Variants in SV2C observed in about 807,000 individuals in gnomAD.
SV2C encodes solute carrier family 22 member B3.
SV2C carries 49 observed loss-of-function variants against 79.7 expected under a neutral mutation model. The ratio of observed to expected loss-of-function variants is 0.61; its 90% confidence interval spans 0.49 to 0.78. SV2C has a LOEUF of 0.78. SV2C is among the 30% of genes least tolerant of loss of function. SV2C has a pLI of 0.00. For missense variants in SV2C, 833 were observed against 912.9 expected (o/e 0.91, Z 1.13); for synonymous variants, 334 against 333.2 (o/e 1.00, Z -0.03).
intron 12 of SV2C, among the ~76,000 whole-genome samples, chr5:76,304,622 A>G (rs1428359058): frequency 3.9e-5 from 6 of 152,218 alleles, no homozygotes; most frequent in African/African-American, 1.2e-4. Flanking sequence ...CAAGTTCAAG[A>G]TCAAGGCAGG....
rs1424525245 is a variant in SV2C, at chr5:76,328,963, A to C, written c.*3416A>C. 1 of 151,886 alleles carries C rather than the reference A, an allele frequency of 6.6e-6. No homozygotes were observed. The highest frequency in any genetic ancestry group is 2.4e-5 in the African/African-American group (1 of 41,320). The allele number at this position is 151,886 out of a possible 1,614,324, so 9.4% of individuals were successfully genotyped here. On this transcript the variant is annotated 3_prime_UTR_variant, in exon 13 of 13. Coordinates refer to ENST00000502798, the MANE Select transcript of SV2C (RefSeq NM_014979.4). Reference sequence around the variant, plus strand: ...TATCTTTTAGTAGAGGTGGGGTTTCACCGTGTTGGTCAGGCTGGTCTCGAA... The same window carrying C: ...TATCTTTTAGTAGAGGTGGGGTTTCCCCGTGTTGGTCAGGCTGGTCTCGAA...
intron 3 of SV2C, among the ~76,000 whole-genome samples, chr5:76,207,268 C>T (rs1175514849): frequency 1.3e-5 from 2 of 151,984 alleles, no homozygotes; most frequent in African/African-American, 4.8e-5. Context: ...CTTCATGAAG[C>T]TTAAGTTATA....
intron 1 of SV2C, among the ~76,000 whole-genome samples, chr5:76,105,962 T>C (rs927308428): frequency 6.6e-6 from 1 of 152,130 alleles, no homozygotes; most frequent in Non-Finnish European, 1.5e-5. Flanking sequence ...GGCTTCAAAC[T>C]CCATCTATAT....
chr5:75,910,865 C>G, the SV2C span: 4 of 1,120,566 alleles, frequency 3.6e-6, no homozygotes, highest in Non-Finnish European at 5.4e-6. Flanking sequence ...GAACTGCAAT[C>G]TCTATGAGAT....
chr5:76,281,402 A>C, intron 4 of SV2C: 6 of 268,060 alleles, frequency 2.2e-5, no homozygotes, highest in Non-Finnish European at 4.3e-5. Flanking sequence ...CAAAGTAAAA[A>C]AAAAAAAAAA....
chr5:76,299,791 G>A (rs138900039), intron 10 of SV2C, among the ~76,000 whole-genome samples: 227 of 152,214 alleles, frequency 1.5e-3, no homozygotes, highest in African/African-American at 5.2e-3. Flanking sequence ...CTCAGAAGAC[G>A]AACATTTTGT....
chr5:76,189,933 C>A (rs912246222), intron 2 of SV2C, among the ~76,000 whole-genome samples: 1 of 152,136 alleles, frequency 6.6e-6, no homozygotes, highest in Admixed American at 6.6e-5. Flanking sequence ...ACTCAGATTT[C>A]ATTATTTATG....
chr5:76,301,406 G>A lies in SV2C; in HGVS notation c.1861G>A (p.Gly621Arg). 6.2e-7 allele frequency: 1 copy of A among 1,613,976 alleles called. No homozygotes were observed. Among genetic ancestry groups the A allele is most frequent in the Non-Finnish European group, 8.5e-7 (1 of 1,179,958 alleles). Residue 621 changes from glycine to arginine, a missense_variant, in exon 12 of 13, where the codon GGG (glycine) becomes AGG (arginine). Physicochemically the swap from Gly to Arg is moderately radical, Grantham distance 125. Coordinates refer to ENST00000502798, the MANE Select transcript of SV2C (RefSeq NM_014979.4). ...GGCAGGTGGCTCTATGGTGCTTTCG[G>A]GGATCAGCTGTTTCTTCCTTTGGTT... Reference protein sequence around the residue: ...TMLGGSMVLSGISCFFLWFGT... With the variant: ...TMLGGSMVLSRISCFFLWFGT...
chr5:76,095,052 G>A (rs1194171450), intron 1 of SV2C, among the ~76,000 whole-genome samples: 2 of 151,066 alleles, frequency 1.3e-5, no homozygotes, highest in African/African-American at 4.9e-5. Context: ...TTCTTTCAAT[G>A]TTTTTTTTCT....
the SV2C span, among the ~76,000 whole-genome samples, chr5:75,969,194 A>G: frequency 6.6e-6 from 1 of 152,344 alleles, no homozygotes; most frequent in African/African-American, 2.4e-5. Flanking sequence ...AAGGAAAGGA[A>G]CAACTGGTAC....
At chr5:76,294,105 G>T in intron 8 of SV2C, among the ~76,000 whole-genome samples, 1 of 152,138 alleles carries the variant, frequency 6.6e-6, no homozygotes, top group East Asian at 1.9e-4. Flanking sequence ...GGTTTGTGGG[G>T]GATGATGATC....
At chr5:76,281,045 G>A (rs952608415) in intron 4 of SV2C, 4 of 541,084 alleles carry the variant, frequency 7.4e-6, no homozygotes, top group Non-Finnish European at 1.1e-5. Flanking sequence ...TAAATCAGTC[G>A]GCCCCTGGCC....
At chr5:76,163,665 GTCTTTT>G (rs1742961592) in intron 2 of SV2C, among the ~76,000 whole-genome samples, 1 of 152,124 alleles carries the variant, frequency 6.6e-6, no homozygotes, top group South Asian at 2.1e-4. Context: ...CCTCTTTGAG[GTCTTTT>G]TCTTTTTCTC....
At chr5:75,981,331 T>C in the SV2C span, among the ~76,000 whole-genome samples, 1 of 152,188 alleles carries the variant, frequency 6.6e-6, no homozygotes, top group Admixed American at 6.5e-5. Context: ...CCCATTAAAC[T>C]ACCATTGCCA....
intron 2 of SV2C, among the ~76,000 whole-genome samples, chr5:76,187,151 A>G (rs1008492494): frequency 6.6e-6 from 1 of 152,204 alleles, no homozygotes; most frequent in Non-Finnish European, 1.5e-5. Context: ...ATTGCTTCAA[A>G]TAACAAGGGG....
At chr5:76,009,466 T>C in the SV2C span, among the ~76,000 whole-genome samples, 2 of 152,180 alleles carry the variant, frequency 1.3e-5, no homozygotes, top group African/African-American at 4.8e-5. Flanking sequence ...CACTTGCATG[T>C]TCATCGCAGC....
the SV2C span, among the ~76,000 whole-genome samples, chr5:75,861,895 A>G: frequency 4.6e-5 from 7 of 152,290 alleles, no homozygotes; most frequent in African/African-American, 7.2e-5. Flanking sequence ...GATGAGTTCA[A>G]TCACACCCCA....
At chr5:75,901,137 T>A in the SV2C span, among the ~76,000 whole-genome samples, 1 of 152,226 alleles carries the variant, frequency 6.6e-6, no homozygotes, top group East Asian at 1.9e-4. Context: ...AGGACCTGCA[T>A]TCCTTTGGAA....
chr5:76,203,991 G>A (rs1744531998), intron 3 of SV2C, among the ~76,000 whole-genome samples: 1 of 152,134 alleles, frequency 6.6e-6, no homozygotes, highest in Admixed American at 6.5e-5. Context: ...TGTGCCTTCT[G>A]ATCTATATAG....
Sources: allele counts gnomAD v4.1 joint callset (sites outside exome capture counted in the v4.1 genomes callset), GRCh38; gene constraint gnomAD v4.1.1; transcripts MANE v1.5; gene names NCBI Gene and HGNC (gene_info 2026-07-23, HGNC 2026-07-21).